The following CCDC170 variants were observed in gnomAD, a reference collection of about 807,000 sequenced individuals.
CCDC170 encodes the protein coiled-coil domain containing 170.
CCDC170 carries 69 observed loss-of-function variants against 72.6 expected under a neutral mutation model. That is an observed-to-expected ratio of 0.95 (90% CI 0.78 to 1.16). CCDC170 has a LOEUF of 1.16. Ranked by LOEUF, CCDC170 falls within the 50% of genes most tolerant of loss-of-function variation. The pLI, the probability that CCDC170 is intolerant of heterozygous loss-of-function variation, is 0.00. For missense variants in CCDC170, 852 were observed against 832.5 expected, an observed-to-expected ratio of 1.02 and a Z score of -0.29; for synonymous variants, 300 against 303.9, an observed-to-expected ratio of 0.99 and a Z score of 0.13.
Position 151,494,062 on chromosome 6 carries a change from G to A in CCDC170, c.-67G>A. On this transcript the variant is annotated 5_prime_UTR_variant, in exon 1 of 11. Coordinates refer to ENST00000239374, the MANE Select transcript of CCDC170 (RefSeq NM_025059.4). Reference sequence around the variant, plus strand: ...GAGGAGACACCCGCGCCACCCGCCGGCTCCCGGCGCCGCCGCTTCCTCAGG... The same window carrying A: ...GAGGAGACACCCGCGCCACCCGCCGACTCCCGGCGCCGCCGCTTCCTCAGG... 2 of 1,404,574 alleles carry A rather than the reference G, an allele frequency of 1.4e-6. No homozygotes were observed. Among genetic ancestry groups the A allele is most frequent in the Non-Finnish European group, 1.9e-6 (2 of 1,079,246 alleles). 87.0% of individuals were successfully genotyped at this position (1,404,574 alleles called of 1,614,324 possible).
At chr6:151,561,421 A>T (rs1176346292) in intron 5 of CCDC170, among the ~76,000 whole-genome samples, 2 of 151,972 alleles carry the variant, frequency 1.3e-5, no homozygotes, top group Non-Finnish European at 2.9e-5. Context: ...GGTGGTGATA[A>T]ATTCTCTTAC....
At chr6:151,607,448 G>C (rs1031999937) in intron 9 of CCDC170, among the ~76,000 whole-genome samples, 1 of 151,926 alleles carries the variant, frequency 6.6e-6, no homozygotes, top group Non-Finnish European at 1.5e-5. Flanking sequence ...TTTCCCATTT[G>C]TGTATCTGCT....
In CCDC170 at chr6:151,593,297, C is replaced by T. The variant is rs756933124; in HGVS notation, c.1467+17C>T. 1.1e-5 allele frequency: 18 copies of T among 1,607,692 alleles called. No homozygotes were observed. The East Asian group carries it at 3.1e-4, about 28-fold the overall frequency. ...CAGAGAAAGGTAGGAGATATTGAAACTTGCTAGTATTGAGAGAAGAAATTT... is the reference window on the plus strand; with the variant it reads ...CAGAGAAAGGTAGGAGATATTGAAATTTGCTAGTATTGAGAGAAGAAATTT... On this transcript the variant is annotated intron_variant, in intron 8 of 10. Coordinates refer to ENST00000239374, the MANE Select transcript of CCDC170 (RefSeq NM_025059.4).
rs749747525 is a variant in CCDC170, at chr6:151,596,433, G to A, written c.1566G>A (p.Thr522=). The A allele has an allele frequency of 8.1e-6, 13 of 1,614,102 alleles. No homozygotes were observed. Among genetic ancestry groups the A allele is most frequent in the Non-Finnish European group, 1.1e-5 (13 of 1,179,996 alleles). ...AQLEEEKQAR[T]ALVVERDNAH... ...TGGAGGAGGAGAAGCAGGCACGCAC[G>A]GCCTTGGTGGTTGAGAGGGACAACG... Residue 522 remains threonine (T), a synonymous_variant, in exon 9 of 11, where the codon ACG becomes ACA. Transcript: ENST00000239374.
intron 2 of CCDC170, among the ~76,000 whole-genome samples, chr6:151,536,796 A>T (rs1383950724): frequency 7.0e-6 from 1 of 143,876 alleles, no homozygotes; most frequent in Non-Finnish European, 1.5e-5. Flanking sequence ...AAAAAAAAAA[A>T]AAGAAAAAGA....
intron 1 of CCDC170, among the ~76,000 whole-genome samples, chr6:151,509,462 C>A (rs1449532265): frequency 6.6e-6 from 1 of 152,022 alleles, no homozygotes; most frequent in African/African-American, 2.4e-5. Context: ...AAAATAGGAC[C>A]TGAAGTTAAT....
chr6:151,573,689 A>G (rs886460904), intron 6 of CCDC170, among the ~76,000 whole-genome samples, 198 bp downstream of exon 6: 16 of 152,226 alleles, frequency 1.1e-4, no homozygotes, highest in African/African-American at 3.4e-4. Flanking sequence ...CAGAAAGCAA[A>G]GGAGGAGCAA....
At chr6:151,534,068 CT>C (rs11359591) in intron 1 of CCDC170, among the ~76,000 whole-genome samples, 63,265 of 141,310 alleles carry the variant, frequency 0.45, 15,389 homozygotes, top group Non-Finnish European at 0.58. Context: ...TCATTCATTC[CT>C]TTTTTTTTTT....
At chr6:151,569,116 A>G (rs1428353829) in intron 5 of CCDC170, among the ~76,000 whole-genome samples, 1 of 152,184 alleles carries the variant, frequency 6.6e-6, no homozygotes, top group Admixed American at 6.5e-5. Flanking sequence ...AGGTAGAATT[A>G]ACCAACTGAT....
intron 7 of CCDC170, among the ~76,000 whole-genome samples, chr6:151,592,473 A>C (rs1344069424): frequency 6.6e-6 from 1 of 152,216 alleles, no homozygotes; most frequent in African/African-American, 2.4e-5. Flanking sequence ...GGGAGGCCTC[A>C]CAATCATGGT....
chr6:151,556,929 C>G (rs1014045830), intron 5 of CCDC170, among the ~76,000 whole-genome samples: 6 of 152,186 alleles, frequency 3.9e-5, no homozygotes, highest in African/African-American at 1.2e-4. Context: ...TTTCTACTCT[C>G]TAACTATATG....
intron 9 of CCDC170, among the ~76,000 whole-genome samples, chr6:151,614,623 T>A (rs779970358): frequency 1.4e-3 from 180 of 132,708 alleles, no homozygotes; most frequent in South Asian, 4.3e-3. Flanking sequence ...GCTGGCTAAC[T>A]TTTGTATTTT....
intron 4 of CCDC170, among the ~76,000 whole-genome samples, chr6:151,547,853 T>G (rs1021624349): frequency 6.6e-6 from 1 of 152,254 alleles, no homozygotes; most frequent in African/African-American, 2.4e-5. Context: ...TTCAGAATTT[T>G]CCTATGCTTA....
chr6:151,601,666 AG>A (rs1368085959), intron 9 of CCDC170, among the ~76,000 whole-genome samples: 1 of 152,198 alleles, frequency 6.6e-6, no homozygotes, highest in Non-Finnish European at 1.5e-5. Flanking sequence ...GGAGACTAGC[AG>A]GATGGGCTGA....
At chr6:151,549,726 C>T (rs1463126500) in intron 5 of CCDC170, among the ~76,000 whole-genome samples, 1 of 152,140 alleles carries the variant, frequency 6.6e-6, no homozygotes, top group Non-Finnish European at 1.5e-5. Context: ...TGAGCCCTGC[C>T]CCAGTGATTT....
chr6:151,584,170 G>A (rs999535668), intron 6 of CCDC170, among the ~76,000 whole-genome samples: 1 of 152,218 alleles, frequency 6.6e-6, no homozygotes, highest in Non-Finnish European at 1.5e-5. Flanking sequence ...TCTGCGAAGA[G>A]CAATAAAGTA....
chr6:151,579,997 G>A (rs925980217), intron 6 of CCDC170, among the ~76,000 whole-genome samples: 2 of 152,158 alleles, frequency 1.3e-5, no homozygotes, highest in Admixed American at 6.5e-5. Flanking sequence ...CAAAGCCTCC[G>A]TCCTGCACTC....
At position 151,536,353 on chromosome 6, in the gene CCDC170, G is replaced by T; in HGVS notation, c.93G>T (p.Thr31=). 1.2e-6 allele frequency: 2 copies of T among 1,614,132 alleles called. No homozygotes were observed. Among genetic ancestry groups the T allele is most frequent in the East Asian group, 2.2e-5 (1 of 44,884 alleles). ...TYDHLSEVPV[T]REQLNHYRNV... Reference sequence around the variant, plus strand: ...ATCATCTTTCGGAAGTCCCGGTCACGCGGGAGCAGTTAAACCACTATCGGA... The same window carrying T: ...ATCATCTTTCGGAAGTCCCGGTCACTCGGGAGCAGTTAAACCACTATCGGA... The change falls in exon 2 of 11, where the codon ACG becomes ACT. Residue 31 remains threonine (T), a synonymous_variant. Transcript: ENST00000239374.
intron 9 of CCDC170, among the ~76,000 whole-genome samples, chr6:151,611,734 G>A (rs928723105): frequency 3.3e-5 from 5 of 151,598 alleles, no homozygotes; most frequent in Admixed American, 6.6e-5. Context: ...TTTTTGCGAC[G>A]GAGTCTCACT....
Sources: gnomAD v4.1 joint callset for allele counts (sites outside exome capture counted in the v4.1 genomes callset) on GRCh38, gnomAD v4.1.1 for gene constraint, MANE v1.5 for transcripts, NCBI Gene and HGNC (gene_info 2026-07-23, HGNC 2026-07-21) for gene names.